TUBD1: variants seen among roughly 807,000 people sequenced by gnomAD.
TUBD1 encodes tubulin delta chain.
TUBD1 carries 38 observed loss-of-function variants against 51.2 expected under a neutral mutation model. The ratio of observed to expected loss-of-function variants is 0.74; its 90% CI spans 0.57 to 0.97. TUBD1 has a LOEUF of 0.97. Among genes scored for constraint, TUBD1 ranks in the 50% least tolerant of loss-of-function variants. The pLI is 0.00. For missense variants in TUBD1, 489 were observed against 538.4 expected, an observed-to-expected ratio of 0.91 and a Z score of 0.91; for synonymous variants, 169 against 178.2, an observed-to-expected ratio of 0.95 and a Z score of 0.41.
chr17:59,874,785 G>GT, intron 5 of TUBD1, 82 bp from the exon 6 acceptor site: 1 of 1,160,348 alleles, frequency 8.6e-7, no homozygotes, highest in East Asian at 2.4e-5. Context: ...TGATTTGAAG[G>GT]TTTTCTGGGC....
chr17:59,880,671 C>T (rs929680607), intron 4 of TUBD1, among the ~76,000 whole-genome samples: 4 of 151,642 alleles, frequency 2.6e-5, no homozygotes, highest in Non-Finnish European at 4.4e-5. Flanking sequence ...CCCGCCACCA[C>T]GCCTGGCTAA....
At chr17:59,865,848 C>T (rs753548909) in intron 7 of TUBD1, among the ~76,000 whole-genome samples, 8 of 151,996 alleles carry the variant, frequency 5.3e-5, no homozygotes, top group Admixed American at 2.0e-4. Context: ...CAGTGGCTCA[C>T]GCCTGTAATC....
intron 3 of TUBD1, among the ~76,000 whole-genome samples, chr17:59,882,666 G>A (rs1385308356): frequency 2.0e-5 from 3 of 152,132 alleles, no homozygotes; most frequent in Non-Finnish European, 2.9e-5. Context: ...GTGAAGTGCA[G>A]TGGCAAAATC....
At chr17:59,863,926 G>T in intron 7 of TUBD1, 79 bp from the exon 8 acceptor site, 1 of 1,193,126 alleles carries the variant, frequency 8.4e-7, no homozygotes, top group Non-Finnish European at 1.1e-6. Context: ...ATATTTTCTT[G>T]TCTATTTCAT....
chr17:59,869,017 A>AAAAAC (rs968386383), intron 6 of TUBD1, among the ~76,000 whole-genome samples: 2 of 150,460 alleles, frequency 1.3e-5, no homozygotes, highest in Admixed American at 1.3e-4. Flanking sequence ...ACCCCATCTC[A>AAAAAC]AAAACAAAAC....
chr17:59,865,250 A>G lies in TUBD1; in HGVS notation c.1075+1359T>C, dbSNP rs368129385. Among the ~76,000 whole-genome samples the G allele has an allele frequency of 4.3e-4, 65 of 152,262 alleles. 1 individual carries two copies. The highest frequency in any genetic ancestry group is 1.6e-3 in the African/African-American group (65 of 41,560). On this transcript the variant is annotated intron_variant, in intron 7 of 8. Coordinates refer to ENST00000325752, the MANE Select transcript of TUBD1 (RefSeq NM_016261.4). ...CCTGGAAACTTGCCATAGAAAAACA[A>G]AGCTAGTAAGAATAATGCCCTTTCA...
intron 6 of TUBD1, among the ~76,000 whole-genome samples, chr17:59,868,108 C>CAA (rs35401242): frequency 0.057 from 1,540 of 26,796 alleles, 120 homozygotes; most frequent in African/African-American, 0.069. Context: ...ACTAAAAATA[C>CAA]AAAAAAAAAA....
chr17:59,882,719 A>G (rs934387515), intron 3 of TUBD1, among the ~76,000 whole-genome samples: 1 of 152,016 alleles, frequency 6.6e-6, no homozygotes, highest in Non-Finnish European at 1.5e-5. Context: ...GGCTCAAAAA[A>G]TTATCCCATC....
chr17:59,864,010 G>A (rs1021504295), intron 7 of TUBD1, among the ~76,000 whole-genome samples, 163 bp from the exon 8 acceptor site: 2 of 152,052 alleles, frequency 1.3e-5, no homozygotes, highest in African/African-American at 2.4e-5. Flanking sequence ...AGGAGGTGGA[G>A]GAGGGTAGAT....
At chr17:59,885,414 G>T in intron 3 of TUBD1, 1 of 1,162,694 alleles carries the variant, frequency 8.6e-7, no homozygotes, top group Non-Finnish European at 1.3e-6. Flanking sequence ...TGGCTCTCAT[G>T]ATATTCATGT....
At position 59,886,165 on chromosome 17, in the gene TUBD1, C is replaced by G. The variant is rs201633758; in HGVS notation, c.238G>C (p.Ala80Pro). 135 of 1,613,676 alleles carry G rather than the reference C, an allele frequency of 8.4e-5. No individual in the cohort carries two copies. The highest frequency in any genetic ancestry group is 1.1e-4 in the Non-Finnish European group (124 of 1,179,898). The change falls in exon 3 of 9, where the codon GCT (alanine) becomes CCT (proline). Residue 80 changes from alanine (A) to proline (P), a missense_variant. Coordinates refer to ENST00000325752, the MANE Select transcript of TUBD1 (RefSeq NM_016261.4). ...PKVINQMLSKAAQSGQWKYGQ... is the reference protein window; with the variant it reads ...PKVINQMLSKPAQSGQWKYGQ... Reference sequence around the variant, plus strand: ...TATTTCCATTGGCCAGACTGGGCAGCCTTTGACAGCATTTGATTGATAACT... The same window carrying G: ...TATTTCCATTGGCCAGACTGGGCAGGCTTTGACAGCATTTGATTGATAACT...
chr17:59,872,306 G>A (rs1276868592), intron 6 of TUBD1, among the ~76,000 whole-genome samples: 1 of 151,830 alleles, frequency 6.6e-6, no homozygotes, highest in Admixed American at 6.6e-5. Context: ...TGTTGCTCAA[G>A]CTAGTTTTGA....
intron 4 of TUBD1, among the ~76,000 whole-genome samples, chr17:59,879,448 T>A (rs1214935253): frequency 6.6e-6 from 1 of 152,112 alleles, no homozygotes; most frequent in African/African-American, 2.4e-5. Flanking sequence ...TCTCTGACTT[T>A]TTTTTGAAAC....
At chr17:59,885,527 C>T in intron 3 of TUBD1, 2 of 1,557,896 alleles carry the variant, frequency 1.3e-6, no homozygotes, top group Non-Finnish European at 1.8e-6. Context: ...TCCAAAGAAC[C>T]TGAGTCGGTG....
intron 4 of TUBD1, among the ~76,000 whole-genome samples, chr17:59,880,380 A>C (rs1482992758): frequency 2.0e-5 from 3 of 152,022 alleles, no homozygotes; most frequent in Non-Finnish European, 4.4e-5. Flanking sequence ...AAATGCAAGG[A>C]TACCTCATCT....
At chr17:59,860,650 G>GCA (rs2039399961) in intron 8 of TUBD1, among the ~76,000 whole-genome samples, 1 of 151,246 alleles carries the variant, frequency 6.6e-6, no homozygotes, top group Admixed American at 6.6e-5. Context: ...GCAGTGGCAT[G>GCA]ATCTCGGCTC....
intron 6 of TUBD1, among the ~76,000 whole-genome samples, chr17:59,872,309 A>T (rs1234696238): frequency 6.6e-6 from 1 of 151,888 alleles, no homozygotes; most frequent in Non-Finnish European, 1.5e-5. Flanking sequence ...TGCTCAAGCT[A>T]GTTTTGAACT....
At chr17:59,861,041 TCTGAAAAGTGC>T (rs2039419569) in intron 8 of TUBD1, among the ~76,000 whole-genome samples, 1 of 151,916 alleles carries the variant, frequency 6.6e-6, no homozygotes, top group Admixed American at 6.6e-5. Flanking sequence ...CAGTATAAAC[TCTGAAAAGTGC>T]CTGAAAAGTT....
chr17:59,885,015 A>G (rs572053169), intron 3 of TUBD1: 2 of 293,974 alleles, frequency 6.8e-6, no homozygotes, highest in East Asian at 1.1e-4. Flanking sequence ...GAAGGTGAAG[A>G]TGGCAGTGGC....
Sources: allele counts gnomAD v4.1 joint callset (sites outside exome capture counted in the v4.1 genomes callset), GRCh38; gene constraint gnomAD v4.1.1; transcripts MANE v1.5; gene names NCBI Gene and HGNC (gene_info 2026-07-23, HGNC 2026-07-21).